Variants in TENM1 observed in about 807,000 individuals in gnomAD.
TENM1 encodes teneurin transmembrane protein 1, also known as teneurin-1.
In TENM1, 35 loss-of-function variants were observed where a neutral mutation model predicts 174.8. That is an observed-to-expected ratio of 0.20 (90% CI 0.15 to 0.27). TENM1 has a LOEUF of 0.27. TENM1 is among the 10% of genes least tolerant of loss of function. The pLI is 1.00. For missense variants in TENM1, 1,633 were observed against 2,130.1 expected (o/e 0.77, Z 4.59); for synonymous variants, 781 against 798.7 (o/e 0.98, Z 0.37).
intron 23 of TENM1, among the ~76,000 whole-genome samples, chrX:124,436,548 C>A (rs533217127): frequency 5.6e-4 from 61 of 108,618 alleles, no homozygotes; most frequent in African/African-American, 1.9e-3. Flanking sequence ...GGCTGGAGTG[C>A]AGTGGCATGA....
At chrX:125,080,891 T>C in the TENM1 span, among the ~76,000 whole-genome samples, 2 of 111,326 alleles carry the variant, frequency 1.8e-5, no homozygotes, top group African/African-American at 6.5e-5. Context: ...TATCATTTCC[T>C]ACTTCCCCAT....
intron 4 of TENM1, among the ~76,000 whole-genome samples, chrX:124,733,661 T>C (rs1335834405): frequency 8.9e-6 from 1 of 112,074 alleles, no homozygotes; most frequent in East Asian, 2.8e-4. Context: ...GCTAATAACG[T>C]TTCTGGCTTT....
At position 124,536,322 on chromosome X, in the gene TENM1, A is replaced by G. The variant is rs181458046; in HGVS notation, c.2652-6339T>C. Among the ~76,000 whole-genome samples, 583 of 111,336 alleles carry G rather than the reference A, an allele frequency of 5.2e-3. 5 individuals are homozygous for G. Among genetic ancestry groups the G allele is most frequent in the African/African-American group, 0.018 (550 of 30,691 alleles). On this transcript the variant is annotated intron_variant, in intron 15 of 31. Transcript: ENST00000422452. The stretch of plus-strand genomic sequence containing the variant: ...CAATGTCCTCGTTAGTTTTTATTTT[A>G]ATATGGTGGGTTGATTTAATCCTAC...
At chrX:124,726,072 TTTGTTTGCTA>T (rs2053436582) in intron 4 of TENM1, among the ~76,000 whole-genome samples, 2 of 112,204 alleles carry the variant, frequency 1.8e-5, no homozygotes, top group South Asian at 7.4e-4. Context: ...AAATTTAATT[TTTGTTTGCTA>T]TACTCGTATA....
chrX:125,032,940 T>C, the TENM1 span, among the ~76,000 whole-genome samples: 1 of 112,002 alleles, frequency 8.9e-6, no homozygotes, highest in Admixed American at 9.5e-5. Flanking sequence ...GGGTTGTCTA[T>C]CATGTGCAAA....
At chrX:125,061,742 C>T in the TENM1 span, among the ~76,000 whole-genome samples, 1 of 111,811 alleles carries the variant, frequency 8.9e-6, no homozygotes, top group Non-Finnish European at 1.9e-5. Flanking sequence ...CATGATGAAA[C>T]CCCATCTCTA....
At chrX:124,650,277 G>A (rs1043591536) in intron 8 of TENM1, among the ~76,000 whole-genome samples, 7 of 108,845 alleles carry the variant, frequency 6.4e-5, no homozygotes, top group African/African-American at 2.3e-4. Context: ...TTGATTTTGG[G>A]AAAATTTACT....
At chrX:124,574,215 T>G (rs1438911302) in intron 11 of TENM1, among the ~76,000 whole-genome samples, 1 of 111,770 alleles carries the variant, frequency 8.9e-6, no homozygotes. Flanking sequence ...GAACACTTCT[T>G]TGTTGCATGC....
At chrX:124,996,746 CAGT>C in the TENM1 span, among the ~76,000 whole-genome samples, 1 of 110,846 alleles carries the variant, frequency 9.0e-6, no homozygotes, top group African/African-American at 3.3e-5. Flanking sequence ...GAGCATAGAT[CAGT>C]AAGTGTTTTT....
At chrX:124,595,146 C>T (rs2049860687) in intron 11 of TENM1, among the ~76,000 whole-genome samples, 1 of 112,139 alleles carries the variant, frequency 8.9e-6, no homozygotes, top group Non-Finnish European at 1.9e-5. Context: ...AGTTTTTGTG[C>T]ATCTCTGAGC....
At chrX:124,985,900 G>A in the TENM1 span, among the ~76,000 whole-genome samples, 29 of 111,218 alleles carry the variant, frequency 2.6e-4, no homozygotes, top group African/African-American at 8.5e-4. Flanking sequence ...AAAATTAAAC[G>A]TGGCACATCA....
At chrX:124,717,423 C>T (rs1259981177) in intron 4 of TENM1, among the ~76,000 whole-genome samples, 1 of 111,645 alleles carries the variant, frequency 9.0e-6, no homozygotes. Context: ...CATAGACACA[C>T]AACTGGGGAA....
At chrX:124,591,170 G>GT (rs745748007) in intron 11 of TENM1, among the ~76,000 whole-genome samples, 42 of 111,720 alleles carry the variant, frequency 3.8e-4, no homozygotes, top group Non-Finnish European at 6.2e-4. Context: ...GATGGGTCTT[G>GT]TTTTTTTATC....
the TENM1 span, among the ~76,000 whole-genome samples, chrX:125,194,436 C>T: frequency 6.3e-5 from 7 of 111,304 alleles, no homozygotes; most frequent in Non-Finnish European, 1.9e-5. Context: ...CTCACTGCTA[C>T]TATACTCCTA....
At chrX:124,808,660 G>T (rs1182472807) in intron 3 of TENM1, among the ~76,000 whole-genome samples, 1 of 111,802 alleles carries the variant, frequency 8.9e-6, no homozygotes, top group African/African-American at 3.2e-5. Flanking sequence ...AACTAGAAAT[G>T]AATATCAGAA....
chrX:124,822,854 A>G (rs1477612011), intron 3 of TENM1, among the ~76,000 whole-genome samples: 4 of 112,220 alleles, frequency 3.6e-5, no homozygotes, highest in African/African-American at 1.3e-4. Flanking sequence ...AAAAGAATCT[A>G]GGACCCAGAA....
chrX:124,777,773 C>A lies in TENM1; in HGVS notation c.536-40576G>T, dbSNP rs2054818666. On this transcript the variant is annotated intron_variant, in intron 3 of 31. Coordinates refer to ENST00000422452, the Ensembl canonical transcript of TENM1. ...GTATTGATAAATTTGCTCACACAAA[C>A]ATATATAATATTTTATTTGCCATTT... Among the ~76,000 whole-genome samples, 3 of 112,267 alleles carry A rather than the reference C, an allele frequency of 2.7e-5. No individual in the cohort carries two copies. In the Admixed American group the frequency reaches 2.8e-4, roughly 11 times the overall value.
At chrX:124,611,531 A>G (rs2050276913) in intron 11 of TENM1, among the ~76,000 whole-genome samples, 1 of 112,008 alleles carries the variant, frequency 8.9e-6, no homozygotes. Context: ...TTTAAAGAAC[A>G]TCAGGATTCA....
At chrX:125,065,884 A>T in the TENM1 span, among the ~76,000 whole-genome samples, 2 of 111,542 alleles carry the variant, frequency 1.8e-5, no homozygotes, top group Non-Finnish European at 1.9e-5. Flanking sequence ...GGAAATGTGG[A>T]CTCTAAAGAA....
Sources: allele counts gnomAD v4.1 joint callset (sites outside exome capture counted in the v4.1 genomes callset), GRCh38; gene constraint gnomAD v4.1.1; transcripts MANE v1.5; gene names NCBI Gene and HGNC (gene_info 2026-07-23, HGNC 2026-07-21).